Variants in TMTC2 observed in about 807,000 individuals in gnomAD.
TMTC2 encodes transmembrane O-mannosyltransferase targeting cadherins 2, also known as protein O-mannosyl-transferase TMTC2.
In TMTC2, 43 loss-of-function variants were observed where a neutral mutation model predicts 82.4. The observed-to-expected ratio is 0.52, with a 90% CI of 0.41 to 0.67. TMTC2 has a LOEUF of 0.67. TMTC2 is among the 30% of genes least tolerant of loss of function. The probability of loss-of-function intolerance (pLI) is 0.00; values close to 1 mark genes in which losing one functional copy is unlikely to be tolerated. For synonymous variants in TMTC2, 408 were observed against 381.9 expected (o/e 1.07, Z -0.80); for missense variants, 919 against 1,012.4 (o/e 0.91, Z 1.25).
chr12:82,820,650 C>G (rs1339600821), intron 1 of TMTC2, among the ~76,000 whole-genome samples: 1 of 152,158 alleles, frequency 6.6e-6, no homozygotes, highest in Non-Finnish European at 1.5e-5. Flanking sequence ...GCTGGGATTA[C>G]AGGCGTGAGC....
Position 83,061,828 on chromosome 12 carries a change from T to G in TMTC2, c.2328T>G (p.Pro776=). ...KYYDLAARLR[P]NYPAALMNLG... is the part of the protein sequence containing the mutation. ...ATGATCTGGCAGCCAGGCTGAGGCC[T>G]AATGTAAGTACTTCCCTAATGAGAA... Residue 776 remains proline (P), a synonymous_variant, in exon 11 of 12, where the codon CCT becomes CCG. Coordinates refer to ENST00000321196, the MANE Select transcript of TMTC2 (RefSeq NM_152588.3). The G allele has an allele frequency of 6.3e-7, 1 of 1,594,684 alleles. No homozygotes were observed. The highest frequency in any genetic ancestry group is 8.5e-7 in the Non-Finnish European group (1 of 1,170,742).
chr12:83,068,053 A>G (rs1006919153), intron 11 of TMTC2, among the ~76,000 whole-genome samples: 3 of 152,230 alleles, frequency 2.0e-5, no homozygotes, highest in East Asian at 1.9e-4. Flanking sequence ...TTATATGTCA[A>G]AAGATTAAAC....
intron 11 of TMTC2, among the ~76,000 whole-genome samples, chr12:83,075,613 T>C (rs1883262695): frequency 6.6e-6 from 1 of 152,224 alleles, no homozygotes; most frequent in Non-Finnish European, 1.5e-5. Flanking sequence ...CAAATACATA[T>C]TCTACTTCAG....
At chr12:82,930,280 GA>G (rs1875957218) in intron 3 of TMTC2, 150 bp from the exon 4 acceptor site, 1 of 491,088 alleles carries the variant, frequency 2.0e-6, no homozygotes, top group Admixed American at 3.5e-5. Context: ...CTGGCCTGAT[GA>G]AATGTTAGAG....
intron 7 of TMTC2, 71 bp downstream of exon 7, chr12:82,967,068 G>A: frequency 8.4e-7 from 1 of 1,184,738 alleles, no homozygotes; most frequent in Non-Finnish European, 1.2e-6. Context: ...CCATGTTCGT[G>A]TTTAATGGAA....
At chr12:82,693,371 T>C (rs1041175367) in intron 1 of TMTC2, among the ~76,000 whole-genome samples, 4 of 152,194 alleles carry the variant, frequency 2.6e-5, no homozygotes, top group South Asian at 2.1e-4. Flanking sequence ...GGGTCTGTAC[T>C]TACTGGTGCT....
chr12:83,043,122 A>G (rs1471969152), intron 9 of TMTC2, among the ~76,000 whole-genome samples: 1 of 152,256 alleles, frequency 6.6e-6, no homozygotes, highest in Non-Finnish European at 1.5e-5. Flanking sequence ...GAGCGAAAGC[A>G]TATTTGAAAT....
intron 1 of TMTC2, among the ~76,000 whole-genome samples, chr12:82,702,106 A>G (rs1353631735): frequency 6.6e-6 from 1 of 152,218 alleles, no homozygotes; most frequent in Non-Finnish European, 1.5e-5. Context: ...CTTAAGAAAT[A>G]TAGTTGAAAT....
At chr12:82,978,407 TATTA>T (rs1159040053) in intron 7 of TMTC2, among the ~76,000 whole-genome samples, 5 of 151,772 alleles carry the variant, frequency 3.3e-5, no homozygotes, top group Non-Finnish European at 7.4e-5. Context: ...AACATACAGC[TATTA>T]ATGGCAAAAT....
At chr12:82,784,056 T>C (rs1350089032) in intron 1 of TMTC2, among the ~76,000 whole-genome samples, 2 of 152,128 alleles carry the variant, frequency 1.3e-5, no homozygotes, top group African/African-American at 4.8e-5. Flanking sequence ...AGAGTGGGCC[T>C]GCTGTAAACT....
chr12:83,121,847 G>A (rs983162622), intron 11 of TMTC2, among the ~76,000 whole-genome samples: 1 of 152,138 alleles, frequency 6.6e-6, no homozygotes, highest in African/African-American at 2.4e-5. Context: ...TGGAGATAGG[G>A]ATGAGGTTCC....
At chr12:82,886,480 A>G (rs1483430113) in intron 2 of TMTC2, among the ~76,000 whole-genome samples, 1 of 152,216 alleles carries the variant, frequency 6.6e-6, no homozygotes, top group Non-Finnish European at 1.5e-5. Context: ...CTCAGTGGGA[A>G]ACATGATGGT....
chr12:82,984,713 T>C (rs1879080657), intron 7 of TMTC2, among the ~76,000 whole-genome samples: 1 of 152,172 alleles, frequency 6.6e-6, no homozygotes, highest in Admixed American at 6.5e-5. Context: ...CTACAATATT[T>C]AACTTAAATA....
intron 2 of TMTC2, among the ~76,000 whole-genome samples, chr12:82,872,145 G>A (rs916429063): frequency 6.6e-6 from 1 of 151,922 alleles, no homozygotes; most frequent in South Asian, 2.1e-4. Context: ...TAATTGGTTT[G>A]GAAGCCTCCC....
rs143967192 is a variant in TMTC2 at position 83,106,126 on chromosome 12, G to A, written c.2332-26084G>A. Among the ~76,000 whole-genome samples, 1,199 of 152,194 alleles carry A rather than the reference G, an allele frequency of 7.9e-3. 43 individuals are homozygous for A. The highest frequency in any genetic ancestry group is 0.02 in the East Asian group (102 of 5,172). On this transcript the variant is annotated intron_variant, in intron 11 of 11. Coordinates refer to ENST00000321196, the MANE Select transcript of TMTC2 (RefSeq NM_152588.3). ...TAAATTTCTTAGGAGGCCACACAGC[G>A]AAGGAAAATCAGGAATATGAAAGAG...
chr12:83,129,162 A>G (rs932209144), intron 11 of TMTC2, among the ~76,000 whole-genome samples: 1 of 152,210 alleles, frequency 6.6e-6, no homozygotes. Context: ...CCAAAATGTT[A>G]TAACTGAACC....
intron 3 of TMTC2, among the ~76,000 whole-genome samples, chr12:82,919,445 A>C (rs2137225478): frequency 6.6e-6 from 1 of 152,282 alleles, no homozygotes. Context: ...CTTATAATGC[A>C]AAAATACATT....
chr12:82,945,862 G>A (rs1311441777), intron 4 of TMTC2, among the ~76,000 whole-genome samples: 1 of 152,100 alleles, frequency 6.6e-6, no homozygotes, highest in Admixed American at 6.6e-5. Context: ...TGATGGAAAA[G>A]TTACTTAAAG....
At chr12:82,718,829 G>A (rs1874025088) in intron 1 of TMTC2, among the ~76,000 whole-genome samples, 1 of 148,140 alleles carries the variant, frequency 6.8e-6, no homozygotes, top group Non-Finnish European at 1.5e-5. Flanking sequence ...GGAAGTTTTA[G>A]ACAAGTTTAT....
Sources: gnomAD v4.1 joint callset for allele counts (sites outside exome capture counted in the v4.1 genomes callset) on GRCh38, gnomAD v4.1.1 for gene constraint, MANE v1.5 for transcripts, NCBI Gene and HGNC (gene_info 2026-07-23, HGNC 2026-07-21) for gene names.